The following KCNH8 variants were observed in gnomAD, a reference collection of about 807,000 sequenced individuals.
The protein encoded by KCNH8 is potassium voltage-gated channel subfamily H member 8.
In KCNH8, 70 loss-of-function variants were observed where a neutral mutation model predicts 103.6. The ratio of observed to expected loss-of-function variants is 0.68; its 90% CI spans 0.56 to 0.82. The LOEUF (loss-of-function observed/expected upper bound fraction) is 0.82, where lower values mean the gene tolerates loss of function less well. KCNH8 is among the 40% of genes least tolerant of loss of function. KCNH8 has a pLI of 0.00. For missense variants in KCNH8, 1,217 were observed against 1,329.9 expected (o/e 0.92, Z 1.32); for synonymous variants, 498 against 489.4 (o/e 1.02, Z -0.23).
At chr3:19,463,004 A>C (rs1321306624) in intron 11 of KCNH8, among the ~76,000 whole-genome samples, 1 of 152,188 alleles carries the variant, frequency 6.6e-6, no homozygotes, top group Non-Finnish European at 1.5e-5. Context: ...TGTCTGTACT[A>C]AATATGTACA....
At chr3:19,206,491 A>G (rs2063718316) in intron 1 of KCNH8, among the ~76,000 whole-genome samples, 2 of 151,862 alleles carry the variant, frequency 1.3e-5, no homozygotes, top group Non-Finnish European at 2.9e-5. Context: ...CTTGAAAGAC[A>G]ATTAAAATGG....
chr3:19,464,995 G>A (rs113887337), intron 11 of KCNH8, among the ~76,000 whole-genome samples: 54 of 152,252 alleles, frequency 3.5e-4, no homozygotes, highest in African/African-American at 1.3e-3. Flanking sequence ...AAGGAAATAT[G>A]AATAGGTAAC....
chr3:19,465,207 T>C (rs1425151305), intron 11 of KCNH8, among the ~76,000 whole-genome samples: 1 of 152,136 alleles, frequency 6.6e-6, no homozygotes, highest in East Asian at 1.9e-4. Flanking sequence ...CTGATTCTCA[T>C]TAGGAGCTAA....
chr3:19,467,909 T>C (rs1174832495), intron 11 of KCNH8, among the ~76,000 whole-genome samples: 1 of 152,102 alleles, frequency 6.6e-6, no homozygotes, highest in Non-Finnish European at 1.5e-5. Flanking sequence ...CAAACTGGCC[T>C]GCTTTCCCTT....
Position 19,518,355 on chromosome 3 carries a change from A to G in KCNH8, c.2619+281A>G, listed in dbSNP as rs548824298. On this transcript the variant is annotated intron_variant, in intron 15 of 15. Coordinates refer to ENST00000328405, the MANE Select transcript of KCNH8 (RefSeq NM_144633.3). ...AAATAATCTAGGTCAATCATTTAGCATGAAGTGTCTTAGATATATGCATAT... is the reference window on the plus strand; with the variant it reads ...AAATAATCTAGGTCAATCATTTAGCGTGAAGTGTCTTAGATATATGCATAT... Among the ~76,000 whole-genome samples the G allele has an allele frequency of 6.6e-5, 10 of 152,168 alleles. No individual in the cohort carries two copies. The South Asian group carries it at 2.1e-3, about 32-fold the overall frequency.
At chr3:19,469,514 A>T (rs952311331) in intron 11 of KCNH8, among the ~76,000 whole-genome samples, 1 of 152,056 alleles carries the variant, frequency 6.6e-6, no homozygotes, top group African/African-American at 2.4e-5. Flanking sequence ...ATCTCGGCTC[A>T]CTGCAACCTC....
chr3:19,380,511 CTTG>C (rs979945812), intron 5 of KCNH8, among the ~76,000 whole-genome samples: 2 of 152,220 alleles, frequency 1.3e-5, no homozygotes, highest in East Asian at 1.9e-4. Context: ...TTCTGTTTGT[CTTG>C]TTGTTTCTCT....
At chr3:19,266,607 T>C (rs1253736769) in intron 2 of KCNH8, among the ~76,000 whole-genome samples, 1 of 152,086 alleles carries the variant, frequency 6.6e-6, no homozygotes, top group African/African-American at 2.4e-5. Context: ...ACCATATTAA[T>C]CTTGTTATCT....
intron 1 of KCNH8, among the ~76,000 whole-genome samples, chr3:19,246,274 G>GTTTTTTTTTTTTTTTTTT (rs920423108): frequency 7.6e-4 from 66 of 86,330 alleles, no homozygotes; most frequent in Non-Finnish European, 9.8e-4. Flanking sequence ...TGTTGTTGTT[G>GTTTTTTTTTTTTTTTTTT]TTTTTTTTTT....
intron 1 of KCNH8, among the ~76,000 whole-genome samples, chr3:19,232,489 G>A (rs1048153281): frequency 2.6e-5 from 4 of 152,180 alleles, no homozygotes; most frequent in African/African-American, 9.7e-5. Context: ...ATGCTTTAAT[G>A]TCCAAGCTTG....
intron 5 of KCNH8, among the ~76,000 whole-genome samples, chr3:19,351,633 C>T (rs894345853): frequency 8.5e-5 from 13 of 152,138 alleles, no homozygotes; most frequent in African/African-American, 3.1e-4. Context: ...TCCGGCCAAA[C>T]TAAGCTTCAT....
chr3:19,502,618 C>T (rs575477957), intron 11 of KCNH8, among the ~76,000 whole-genome samples: 67 of 152,124 alleles, frequency 4.4e-4, no homozygotes, highest in South Asian at 8.3e-4. Context: ...TCAGAAATAA[C>T]GCCACATATC....
At chr3:19,218,478 G>T (rs143621860) in intron 1 of KCNH8, among the ~76,000 whole-genome samples, 1 of 152,160 alleles carries the variant, frequency 6.6e-6, no homozygotes, top group Non-Finnish European at 1.5e-5. Flanking sequence ...TCATAAAATC[G>T]AACTGCTCCA....
At chr3:19,247,986 T>C (rs972929554) in intron 1 of KCNH8, among the ~76,000 whole-genome samples, 1 of 152,212 alleles carries the variant, frequency 6.6e-6, no homozygotes, top group Admixed American at 6.5e-5. Flanking sequence ...GTATACTAAA[T>C]GATATGCACA....
chr3:19,252,256 GTC>G (rs2064288528), intron 1 of KCNH8, among the ~76,000 whole-genome samples: 1 of 152,138 alleles, frequency 6.6e-6, no homozygotes, highest in African/African-American at 2.4e-5. Flanking sequence ...AATATTGACT[GTC>G]TCTCCCCCAG....
chr3:19,166,617 A>C (rs970136989), intron 1 of KCNH8, among the ~76,000 whole-genome samples: 1 of 152,204 alleles, frequency 6.6e-6, no homozygotes, highest in African/African-American at 2.4e-5. Flanking sequence ...TAAAGTGAAG[A>C]ACTTTTCTAG....
Position 19,390,649 on chromosome 3 carries a change from A to T in KCNH8, c.969+11A>T. On this transcript the variant is annotated intron_variant, in intron 6 of 15. Transcript: ENST00000328405. Reference sequence around the variant, plus strand: ...TTCAACGTCACAGTGGTGAGTAAAGAGCTCCCCGCCACATGGCCTTTAAGG... The same window carrying T: ...TTCAACGTCACAGTGGTGAGTAAAGTGCTCCCCGCCACATGGCCTTTAAGG... 6.2e-7 allele frequency: 1 copy of T among 1,607,308 alleles called. No homozygotes were observed. Among genetic ancestry groups the T allele is most frequent in the Non-Finnish European group, 8.5e-7 (1 of 1,177,254 alleles).
At chr3:19,407,267 T>G (rs2066706475) in intron 7 of KCNH8, among the ~76,000 whole-genome samples, 1 of 152,178 alleles carries the variant, frequency 6.6e-6, no homozygotes, top group African/African-American at 2.4e-5. Context: ...GTTTTTTTCT[T>G]AAGTTCATAT....
At chr3:19,495,713 A>AT (rs1192459933) in intron 11 of KCNH8, among the ~76,000 whole-genome samples, 5 of 150,576 alleles carry the variant, frequency 3.3e-5, no homozygotes, top group African/African-American at 4.9e-5. Flanking sequence ...TACAAATTTA[A>AT]ATTTTTTTTT....
Sources: gnomAD v4.1 joint callset for allele counts (sites outside exome capture counted in the v4.1 genomes callset) on GRCh38, gnomAD v4.1.1 for gene constraint, MANE v1.5 for transcripts, NCBI Gene and HGNC (gene_info 2026-07-23, HGNC 2026-07-21) for gene names.